CST3: variants seen among roughly 807,000 people sequenced by gnomAD.
CST3 encodes the protein cystatin C.
Under a neutral mutation model 9.0 loss-of-function variants are expected in CST3, and 14 were observed. The observed-to-expected ratio is 1.56, with a 90% CI of 1.03 to 2.44. CST3 has a LOEUF of 2.44. Ranked by LOEUF, CST3 falls within the 30% of genes most tolerant of loss-of-function variation. The pLI, the probability that CST3 is intolerant of heterozygous loss-of-function variation, is 0.00. For synonymous variants in CST3, 96 were observed against 90.2 expected, an observed-to-expected ratio of 1.06 and a Z score of -0.37; for missense variants, 237 against 204.3, an observed-to-expected ratio of 1.16 and a Z score of -0.98.
At chr20:23,631,074 T>G (rs2122461794), downstream of CST3, among the ~76,000 whole-genome samples, 1 of 152,202 alleles carries the variant, frequency 6.6e-6, no homozygotes, top group South Asian at 2.1e-4. Flanking sequence ...AAAAACAGTT[T>G]CATTTGGAGG....
intron 2 of CST3, among the ~76,000 whole-genome samples, chr20:23,634,640 C>A (rs1360837040): frequency 6.6e-6 from 1 of 152,040 alleles, no homozygotes; most frequent in East Asian, 1.9e-4. Context: ...TTTCTCCCTG[C>A]CCAGCACCCA....
chr20:23,627,966 T>C (rs780659368), exon 4 of CST3: 8 of 152,234 alleles, frequency 5.3e-5, no homozygotes, highest in Non-Finnish European at 7.3e-5. Context: ...ACCAGTCTTA[T>C]TGAGTTGTAA....
rs774751752 is a variant in CST3, at chr20:23,637,754, C to A, written c.109G>T (p.Gly37Ter). 1.3e-6 allele frequency: 2 copies of A among 1,536,682 alleles called. No homozygotes were observed. Reference sequence around the variant, plus strand: ...TCCACGCTGGCGTCCATGGGGCCTCCCACTAGGCGCGGCGGCTTGCCGGGA... The same window carrying A: ...TCCACGCTGGCGTCCATGGGGCCTCACACTAGGCGCGGCGGCTTGCCGGGA... ...SSPGKPPRLV[G>*]GPMDASVEEE... Residue 37 changes from glycine to a stop codon, truncating the protein, a stop_gained, in exon 1 of 3, where the codon GGA (glycine) becomes TGA (stop). Coordinates refer to ENST00000376925, the MANE Select transcript of CST3 (RefSeq NM_000099.4). LOFTEE classifies it high-confidence loss of function.
At position 23,637,611 on chromosome 20, in the gene CST3, G is replaced by A. The variant is rs1185109916; in HGVS notation, c.243+9C>T. ...CGGGGCTTCGGACCCTGCGGGGGGC[G>A]GCACGCACCTGCTTGCGGGCGCGCA... On this transcript the variant is annotated intron_variant, in intron 1 of 2. Coordinates refer to ENST00000376925, the MANE Select transcript of CST3 (RefSeq NM_000099.4). 3 of 1,512,706 alleles carry A rather than the reference G, an allele frequency of 2.0e-6. No individual in the cohort carries two copies. Among genetic ancestry groups the A allele is most frequent in the Non-Finnish European group, 2.7e-6 (3 of 1,131,166 alleles). The allele number at this position is 1,512,706 out of a possible 1,614,324, so 93.7% of individuals were successfully genotyped here.
At chr20:23,628,953 G>C (rs751086945), downstream of CST3, 9 of 152,152 alleles carry the variant, frequency 5.9e-5, no homozygotes, top group Non-Finnish European at 1.3e-4. Context: ...GCTCCAAGTG[G>C]GCCCCAGACC....
chr20:23,632,825 T>C (rs1000226172), downstream of CST3, among the ~76,000 whole-genome samples: 29 of 152,344 alleles, frequency 1.9e-4, no homozygotes, highest in African/African-American at 6.7e-4. Context: ...TGTAGCCTCC[T>C]GCTTGTGGCA....
At chr20:23,630,349 C>T (rs1440837149), downstream of CST3, among the ~76,000 whole-genome samples, 1 of 152,194 alleles carries the variant, frequency 6.6e-6, no homozygotes, top group South Asian at 2.1e-4. Flanking sequence ...ACATCTGACT[C>T]GACCCCATAA....
exon 4 of CST3, chr20:23,627,684 T>G (rs1056833241): frequency 6.6e-6 from 1 of 152,226 alleles, no homozygotes; most frequent in Non-Finnish European, 1.5e-5. Flanking sequence ...TCCAATTTGT[T>G]ATTTGTGGTC....
chr20:23,633,929 C>T lies in CST3; in HGVS notation c.428G>A (p.Cys143Tyr). 6.2e-7 allele frequency: 1 copy of T among 1,614,100 alleles called. No homozygotes were observed. The highest frequency in any genetic ancestry group is 8.5e-7 in the Non-Finnish European group (1 of 1,179,982). Residue 143 changes from cysteine to tyrosine, a missense_variant, in exon 3 of 3, where the codon TGT becomes TAT. By Grantham distance (194) the Cys-to-Tyr change is radical. Transcript: ENST00000376925. ...QGTMTLSKST[C>Y]QDA ...CGGTACAGACCCCTAGGCGTCCTGA[C>T]AGGTGGATTTCGACAAGGTCATTGT...
exon 4 of CST3, chr20:23,627,870 CT>C (rs1979308800): frequency 6.6e-6 from 1 of 151,984 alleles, no homozygotes; most frequent in South Asian, 2.1e-4. Flanking sequence ...TGGTTTGTTT[CT>C]TTAAAAACTT....
intron 1 of CST3, among the ~76,000 whole-genome samples, chr20:23,635,568 CG>C (rs1290722190): frequency 6.6e-6 from 1 of 152,196 alleles, no homozygotes; most frequent in African/African-American, 2.4e-5. Flanking sequence ...CAGGCCTCCC[CG>C]GTAACTTGTT....
rs1011031400 is a variant in CST3 at position 23,635,513 on chromosome 20, C to G, written c.244-146G>C. 8 of 720,692 alleles carry G rather than the reference C, an allele frequency of 1.1e-5. No individual in the cohort carries two copies. In the East Asian group the frequency reaches 1.9e-4, roughly 17 times the overall value. 44.6% of individuals were successfully genotyped at this position (720,692 alleles called of 1,614,324 possible). Reference sequence around the variant, plus strand: ...GCTGCCCACATTGTCACCTGCAAGGCACACAAGCCACCTCCTCCTGCCAGC... The same window carrying G: ...GCTGCCCACATTGTCACCTGCAAGGGACACAAGCCACCTCCTCCTGCCAGC... On this transcript the variant is annotated intron_variant, in intron 1 of 2. Transcript: ENST00000376925.
At chr20:23,634,139 G>A in intron 2 of CST3, 140 bp from the exon 3 acceptor site, 2 of 731,896 alleles carry the variant, frequency 2.7e-6, no homozygotes, top group Admixed American at 2.0e-5. Flanking sequence ...ACCCACCCCC[G>A]CTGATCCCAG....
At chr20:23,633,202 A>G (rs916741895), downstream of CST3, among the ~76,000 whole-genome samples, 8 of 152,094 alleles carry the variant, frequency 5.3e-5, no homozygotes, top group Admixed American at 4.6e-4. Context: ...CGCATTGATC[A>G]CTATTTAGTG....
rs968879061 is a variant in CST3 at position 23,637,848 on chromosome 20, C to T, written c.15G>A (p.Leu5=). The change falls in exon 1 of 3, where the codon CTG becomes CTA. Residue 5 remains leucine, a synonymous_variant. Transcript: ENST00000376925. The stretch of plus-strand genomic sequence containing the variant: ...TGGCCAGCAGGAGCAGCGGGGCGCG[C>T]AGGGGCCCGGCCATGGTCGGCTAGG... MAGP[L]RAPLLLLAIL... is the part of the protein sequence containing the mutation. 7.0e-7 allele frequency: 1 copy of T among 1,431,166 alleles called. No individual in the cohort carries two copies. Among genetic ancestry groups the T allele is most frequent in the South Asian group, 1.5e-5 (1 of 65,496 alleles). 88.7% of individuals were successfully genotyped at this position (1,431,166 alleles called of 1,614,324 possible).
At chr20:23,634,695 C>T (rs565145332) in intron 2 of CST3, among the ~76,000 whole-genome samples, 1 of 152,214 alleles carries the variant, frequency 6.6e-6, no homozygotes, top group East Asian at 1.9e-4. Context: ...CACTCCAAAG[C>T]ACATAGGGTG....
downstream of CST3, among the ~76,000 whole-genome samples, chr20:23,630,556 T>C (rs1305872480): frequency 6.6e-6 from 1 of 152,208 alleles, no homozygotes; most frequent in African/African-American, 2.4e-5. Flanking sequence ...GACTAGCTGC[T>C]GTCTTCCTGG....
rs200037041 is a variant in CST3 at position 23,635,318 on chromosome 20, G to A, written c.293C>T (p.Thr98Met). Residue 98 changes from threonine (T) to methionine (M), a missense_variant, in exon 2 of 3, where the codon ACG (threonine) becomes ATG (methionine). Transcript: ENST00000376925. ...CAAGTTGGGCTGGGTCTTGGTACAC[G>A]TGGTTCGGCCCAGCTCCACGTCCAA... Reference protein sequence around the residue: ...YFLDVELGRTTCTKTQPNLDN... With the variant: ...YFLDVELGRTMCTKTQPNLDN... 9.9e-6 allele frequency: 16 copies of A among 1,613,882 alleles called. No homozygotes were observed. The highest frequency in any genetic ancestry group is 2.2e-5 in the East Asian group (1 of 44,878).
chr20:23,635,207 C>A (rs775345143), intron 2 of CST3, 47 bp downstream of exon 2: 1 of 1,457,688 alleles, frequency 6.9e-7, no homozygotes, highest in Admixed American at 1.7e-5. Context: ...CACACACACA[C>A]CCCTCTGCAG....
Sources: allele counts gnomAD v4.1 joint callset (sites outside exome capture counted in the v4.1 genomes callset), GRCh38; gene constraint gnomAD v4.1.1; transcripts MANE v1.5; gene names NCBI Gene and HGNC (gene_info 2026-07-23, HGNC 2026-07-21).